Variants in TPST2 observed in about 807,000 individuals in gnomAD.
TPST2 encodes protein-tyrosine sulfotransferase 2.
A neutral mutation model predicts 27.8 loss-of-function variants in TPST2; 16 were observed. That is an observed-to-expected ratio of 0.58 (90% CI 0.39 to 0.88). The LOEUF is 0.88. Among genes scored for constraint, TPST2 ranks in the 40% least tolerant of loss-of-function variants. The pLI is 0.00. For missense variants in TPST2, 464 were observed against 543.1 expected, an observed-to-expected ratio of 0.85 and a Z score of 1.45; for synonymous variants, 229 against 231.7, an observed-to-expected ratio of 0.99 and a Z score of 0.10.
intron 5 of TPST2, 32 bp downstream of exon 5, chr22:26,532,663 C>T (rs1032369103): frequency 3.1e-6 from 5 of 1,610,330 alleles, no homozygotes; most frequent in Non-Finnish European, 3.4e-6. Flanking sequence ...CTGAGAAAGA[C>T]AGAATTCGGA....
chr22:26,549,858 C>G (rs546239714), intron 1 of TPST2, among the ~76,000 whole-genome samples: 7 of 138,396 alleles, frequency 5.1e-5, no homozygotes, highest in Admixed American at 1.5e-4. Flanking sequence ...GTGAAACCCC[C>G]CTCTCTACTA....
chr22:26,537,929 T>C (rs546306876), intron 3 of TPST2, among the ~76,000 whole-genome samples: 1 of 152,314 alleles, frequency 6.6e-6, no homozygotes, highest in African/African-American at 2.4e-5. Flanking sequence ...CCATCACTTA[T>C]TTTTCCATTC....
chr22:26,587,348 C>T (rs1186612941), intron 1 of TPST2, among the ~76,000 whole-genome samples: 1 of 152,132 alleles, frequency 6.6e-6, no homozygotes, highest in Non-Finnish European at 1.5e-5. Context: ...CTCCTTGCTT[C>T]GGTATTTTCA....
chr22:26,582,135 T>G (rs752937320), intron 1 of TPST2, among the ~76,000 whole-genome samples: 1 of 152,186 alleles, frequency 6.6e-6, no homozygotes, highest in African/African-American at 2.4e-5. Flanking sequence ...CTAATCAGAA[T>G]GTGCACTTTA....
chr22:26,530,330 T>G (rs1486754170), intron 5 of TPST2, among the ~76,000 whole-genome samples: 1 of 152,174 alleles, frequency 6.6e-6, no homozygotes, highest in Admixed American at 6.5e-5. Context: ...TTTCTTACTA[T>G]TTTTTCATCA....
intron 1 of TPST2, among the ~76,000 whole-genome samples, chr22:26,546,270 G>A (rs1926118604): frequency 6.6e-6 from 1 of 152,010 alleles, no homozygotes; most frequent in Admixed American, 6.6e-5. Context: ...ATGGAAAAGG[G>A]AACCAAGGTG....
At chr22:26,528,846 G>A (rs1192856742) in intron 5 of TPST2, among the ~76,000 whole-genome samples, 1 of 152,084 alleles carries the variant, frequency 6.6e-6, no homozygotes, top group African/African-American at 2.4e-5. Context: ...GCCGGGTGTG[G>A]TGGCGGGCAC....
At chr22:26,537,388 C>T (rs1456276674) in intron 3 of TPST2, among the ~76,000 whole-genome samples, 8 of 152,194 alleles carry the variant, frequency 5.3e-5, no homozygotes, top group Admixed American at 5.2e-4. Flanking sequence ...ACCTACCTCA[C>T]TGGGGTTGTC....
intron 1 of TPST2, among the ~76,000 whole-genome samples, chr22:26,581,412 G>A (rs1179447866): frequency 6.6e-6 from 1 of 152,200 alleles, no homozygotes; most frequent in Non-Finnish European, 1.5e-5. Context: ...GGGTGCACAG[G>A]TATTTGTTGA....
intron 1 of TPST2, chr22:26,555,138 C>T (rs924307270): frequency 3.8e-6 from 2 of 530,804 alleles, no homozygotes; most frequent in African/African-American, 1.9e-5. Context: ...TGCATTTTAA[C>T]GTGGAGCTGA....
intron 1 of TPST2, among the ~76,000 whole-genome samples, chr22:26,558,148 C>T (rs866606915): frequency 1.3e-5 from 1 of 79,654 alleles, no homozygotes. Flanking sequence ...CACACACACA[C>T]ACACACACAC....
intron 1 of TPST2, among the ~76,000 whole-genome samples, chr22:26,579,566 A>C (rs1371641006): frequency 6.6e-6 from 1 of 152,162 alleles, no homozygotes; most frequent in Admixed American, 6.5e-5. Flanking sequence ...CCACTTTCTC[A>C]CACCTCCAAA....
chr22:26,575,620 T>C (rs1927803130), intron 1 of TPST2, among the ~76,000 whole-genome samples: 1 of 152,094 alleles, frequency 6.6e-6, no homozygotes, highest in Admixed American at 6.6e-5. Context: ...ACACAGGAGG[T>C]GCTCATATTT....
intron 3 of TPST2, among the ~76,000 whole-genome samples, chr22:26,539,796 A>C (rs1021934471): frequency 1.3e-5 from 2 of 151,720 alleles, no homozygotes; most frequent in African/African-American, 4.8e-5. Context: ...AACAAGAAAA[A>C]CCCCAAAAAA....
intron 1 of TPST2, chr22:26,555,150 G>A: frequency 1.9e-6 from 1 of 532,372 alleles, no homozygotes; most frequent in Non-Finnish European, 3.8e-6. Flanking sequence ...TGGAGCTGAG[G>A]GAATTTGCAT....
intron 1 of TPST2, among the ~76,000 whole-genome samples, chr22:26,570,096 GA>G (rs145987008): frequency 0.061 from 9,200 of 151,274 alleles, 395 homozygotes; most frequent in Non-Finnish European, 0.094. Context: ...AAGAAAGAGA[GA>G]AAAAAATTAA....
intron 1 of TPST2, among the ~76,000 whole-genome samples, chr22:26,579,972 CAG>C (rs959684926): frequency 6.6e-6 from 1 of 152,028 alleles, no homozygotes; most frequent in African/African-American, 2.4e-5. Flanking sequence ...AAGTTGGGTA[CAG>C]AGGCTTACGT....
intron 1 of TPST2, among the ~76,000 whole-genome samples, chr22:26,566,567 G>A (rs1927388004): frequency 1.3e-5 from 2 of 150,968 alleles, no homozygotes; most frequent in South Asian, 4.2e-4. Context: ...AAAAGAAAAA[G>A]ACAAAGAAAA....
intron 1 of TPST2, among the ~76,000 whole-genome samples, chr22:26,573,820 A>T (rs1347046964): frequency 6.6e-6 from 1 of 152,288 alleles, no homozygotes; most frequent in South Asian, 2.1e-4. Context: ...ATTCTGGGGT[A>T]GTGCATACTA....
Sources: gnomAD v4.1 joint callset for allele counts (sites outside exome capture counted in the v4.1 genomes callset) on GRCh38, gnomAD v4.1.1 for gene constraint, MANE v1.5 for transcripts, NCBI Gene and HGNC (gene_info 2026-07-23, HGNC 2026-07-21) for gene names.